Variants in EPB41L5 observed in about 807,000 individuals in gnomAD.
EPB41L5 encodes the protein erythrocyte membrane protein band 4.1 like 5.
EPB41L5 carries 55 observed loss-of-function variants against 106.6 expected under a neutral mutation model. The ratio of observed to expected loss-of-function variants is 0.52; its 90% CI spans 0.42 to 0.65. EPB41L5 has a LOEUF of 0.65. Ranked by LOEUF, EPB41L5 falls within the 30% of genes least tolerant of loss-of-function variation. The probability of loss-of-function intolerance (pLI) is 0.00; values close to 1 mark genes in which losing one functional copy is unlikely to be tolerated. For synonymous variants in EPB41L5, 297 were observed against 306.7 expected, an observed-to-expected ratio of 0.97 and a Z score of 0.33; for missense variants, 871 against 882.1, an observed-to-expected ratio of 0.99 and a Z score of 0.16.
rs117872079 is a variant in EPB41L5 at position 120,158,128 on chromosome 2, C to T, written c.1794-2753C>T. Among the ~76,000 whole-genome samples the T allele has an allele frequency of 7.0e-4, 107 of 152,098 alleles. 1 individual carries two copies. The East Asian group carries it at 0.017, about 25-fold the overall frequency. On this transcript the variant is annotated intron_variant, in intron 20 of 24. Coordinates refer to ENST00000263713, the MANE Select transcript of EPB41L5 (RefSeq NM_020909.4). ...AAACAGCCTACCAAACAAAAAAAGC[C>T]CAGGATTAGATGGATTCACAGTTGA...
At chr2:120,166,495 C>T (rs1355735169) in intron 22 of EPB41L5, among the ~76,000 whole-genome samples, 1 of 149,128 alleles carries the variant, frequency 6.7e-6, no homozygotes, top group Non-Finnish European at 1.5e-5. Flanking sequence ...TGCTTTTTTG[C>T]CAGGAGTAGC....
intron 4 of EPB41L5, 32 bp downstream of exon 4, chr2:120,073,252 AAAG>A (rs764297096): frequency 1.3e-6 from 2 of 1,525,652 alleles, no homozygotes; most frequent in African/African-American, 2.7e-5. Context: ...TGTGGGGGGG[AAAG>A]GAAATAGAAT....
rs534004507 is a variant in EPB41L5 at position 120,175,064 on chromosome 2, C to T, written c.*157C>T. ...CCGTAAAAAAGACAGCTGTATTTTC[C>T]GTCCAACTGGAATTGTTGAATCACA... On this transcript the variant is annotated 3_prime_UTR_variant, in exon 25 of 25. Coordinates refer to ENST00000263713, the MANE Select transcript of EPB41L5 (RefSeq NM_020909.4). 1.1e-3 allele frequency: 783 copies of T among 701,220 alleles called. 2 individuals carry two copies. Among genetic ancestry groups the T allele is most frequent in the Middle Eastern group, 4.1e-3 (16 of 3,924 alleles). The allele number at this position is 701,220 out of a possible 1,614,324, so 43.4% of individuals were successfully genotyped here.
intron 21 of EPB41L5, 34 bp from the exon 22 acceptor site, chr2:120,164,802 T>C (rs373895533): frequency 1.0e-5 from 15 of 1,479,402 alleles, no homozygotes; most frequent in Non-Finnish European, 1.4e-5. Flanking sequence ...GATAAAGGGG[T>C]CATTTAACAA....
intron 16 of EPB41L5, among the ~76,000 whole-genome samples, chr2:120,119,037 G>A (rs923386979): frequency 5.3e-5 from 8 of 152,118 alleles, no homozygotes; most frequent in African/African-American, 1.9e-4. Context: ...TCTCCATGGT[G>A]TGAGATGGTA....
At chr2:120,056,739 C>G (rs13430708) in intron 3 of EPB41L5, among the ~76,000 whole-genome samples, 1 of 151,648 alleles carries the variant, frequency 6.6e-6, no homozygotes, top group Admixed American at 6.6e-5. Context: ...ACCATCCCCC[C>G]TCTTGTATTT....
chr2:120,158,661 C>G (rs12052234), intron 20 of EPB41L5, among the ~76,000 whole-genome samples: 94,553 of 151,988 alleles, frequency 0.62, 31,190 homozygotes, highest in Middle Eastern at 0.74. Context: ...TGGAAGCATT[C>G]CCCTTGAGAA....
chr2:120,124,498 G>T (rs1283322629), intron 16 of EPB41L5, among the ~76,000 whole-genome samples: 4 of 152,078 alleles, frequency 2.6e-5, no homozygotes, highest in South Asian at 4.2e-4. Flanking sequence ...TCATTTTCTT[G>T]GCTGGCTAAT....
chr2:120,122,539 C>G (rs914239265), intron 16 of EPB41L5, among the ~76,000 whole-genome samples: 4 of 152,284 alleles, frequency 2.6e-5, no homozygotes, highest in African/African-American at 7.2e-5. Flanking sequence ...ATCTATATCT[C>G]TGTTTTGGTA....
At chr2:120,063,426 G>C (rs1337360488) in intron 3 of EPB41L5, among the ~76,000 whole-genome samples, 1 of 151,540 alleles carries the variant, frequency 6.6e-6, no homozygotes, top group African/African-American at 2.4e-5. Flanking sequence ...GCAGCATGCT[G>C]TCTCCCTTTT....
chr2:120,168,055 G>GA (rs1687495472), intron 24 of EPB41L5, 48 bp downstream of exon 24: 1 of 1,591,174 alleles, frequency 6.3e-7, no homozygotes, highest in Non-Finnish European at 8.6e-7. Flanking sequence ...CTGTTAGGAA[G>GA]AAAAAAATAA....
intron 10 of EPB41L5, among the ~76,000 whole-genome samples, chr2:120,084,840 T>C (rs897731134): frequency 5.3e-5 from 8 of 152,188 alleles, no homozygotes; most frequent in Non-Finnish European, 1.0e-4. Context: ...ACTCTTTTTT[T>C]CTCTAAACTT....
intron 12 of EPB41L5, among the ~76,000 whole-genome samples, chr2:120,090,788 AAC>A (rs1374703387): frequency 6.6e-6 from 1 of 152,222 alleles, no homozygotes; most frequent in Non-Finnish European, 1.5e-5. Context: ...TTATCTATTT[AAC>A]AAGAGTTTTA....
chr2:120,072,236 AC>A (rs2105315570), intron 3 of EPB41L5, among the ~76,000 whole-genome samples: 1 of 152,336 alleles, frequency 6.6e-6, no homozygotes, highest in East Asian at 1.9e-4. Context: ...ACAATGAGAT[AC>A]CATCTCACAC....
chr2:120,127,821 G>A lies in EPB41L5; in HGVS notation c.1471G>A (p.Gly491Arg). 1 of 1,611,224 alleles carries A rather than the reference G, an allele frequency of 6.2e-7. No individual in the cohort carries two copies. The highest frequency in any genetic ancestry group is 8.5e-7 in the Non-Finnish European group (1 of 1,178,052). ...CGTTAATGTAGCCACCAGGCTTCCG[G>A]GATTAGGGGAACCTGAAGTTGAATA... ...NDVNVATRLP[G>R]LGEPEVEYET... The change falls in exon 17 of 25, where the codon GGA (glycine) becomes AGA (arginine). Residue 491 changes from glycine (G) to arginine (R), a missense_variant. Transcript: ENST00000263713.
At chr2:120,158,745 C>T (rs1319962288) in intron 20 of EPB41L5, among the ~76,000 whole-genome samples, 1 of 152,156 alleles carries the variant, frequency 6.6e-6, no homozygotes, top group Non-Finnish European at 1.5e-5. Context: ...CCAGAGCAAT[C>T]AGGCTGGAGA....
chr2:120,014,756 G>C (rs987644023), intron 1 of EPB41L5, among the ~76,000 whole-genome samples: 4 of 152,074 alleles, frequency 2.6e-5, no homozygotes, highest in Non-Finnish European at 5.9e-5. Context: ...CGAGCAGCAA[G>C]AGTACAAGAG....
chr2:120,099,668 C>T (rs546539531), intron 14 of EPB41L5, among the ~76,000 whole-genome samples: 4 of 152,102 alleles, frequency 2.6e-5, no homozygotes, highest in East Asian at 1.9e-4. Flanking sequence ...GCCTCGTGAT[C>T]GCCCACCTCA....
chr2:120,140,533 A>C (rs1029038049), intron 18 of EPB41L5, among the ~76,000 whole-genome samples: 4 of 152,046 alleles, frequency 2.6e-5, no homozygotes, highest in African/African-American at 9.7e-5. Context: ...AACTCTAGTC[A>C]ACTTGAGTAG....
Sources: gnomAD v4.1 joint callset for allele counts (sites outside exome capture counted in the v4.1 genomes callset) on GRCh38, gnomAD v4.1.1 for gene constraint, MANE v1.5 for transcripts, NCBI Gene and HGNC (gene_info 2026-07-23, HGNC 2026-07-21) for gene names.